SCAF11: variants seen among roughly 807,000 people sequenced by gnomAD.
SCAF11 encodes protein SCAF11.
Under a neutral mutation model 140.5 loss-of-function variants are expected in SCAF11, and 47 were observed. The ratio of observed to expected loss-of-function variants is 0.33; its 90% CI spans 0.26 to 0.43. The LOEUF (loss-of-function observed/expected upper bound fraction) is 0.43. Among genes scored for constraint, SCAF11 ranks in the 20% least tolerant of loss-of-function variants. The pLI is 1.00. For missense variants in SCAF11, 1,645 were observed against 1,705.1 expected, an observed-to-expected ratio of 0.96 and a Z score of 0.62; for synonymous variants, 557 against 579.4, an observed-to-expected ratio of 0.96 and a Z score of 0.55.
At chr12:45,974,386 C>A (rs952276810) in intron 1 of SCAF11, 1 of 354,824 alleles carries the variant, frequency 2.8e-6, no homozygotes, top group African/African-American at 2.1e-5. Context: ...ACTCCTTTCA[C>A]AAAAAATTTC....
chr12:45,977,331 T>G (rs1378414782), intron 1 of SCAF11, among the ~76,000 whole-genome samples: 1 of 152,220 alleles, frequency 6.6e-6, no homozygotes. Flanking sequence ...TTCTATTTTG[T>G]GAAAGAAGCC....
At chr12:45,971,042 C>G (rs1279600662) in intron 1 of SCAF11, among the ~76,000 whole-genome samples, 1 of 152,114 alleles carries the variant, frequency 6.6e-6, no homozygotes, top group Admixed American at 6.5e-5. Context: ...AGCCAGAAAT[C>G]GTCAGCCAGA....
Position 45,927,509 on chromosome 12 carries a change from G to C in SCAF11, c.2192C>G (p.Ser731Cys), listed in dbSNP as rs776453624. The C allele has an allele frequency of 6.2e-7, 1 of 1,613,460 alleles. No individual in the cohort carries two copies. Among genetic ancestry groups the C allele is most frequent in the Non-Finnish European group, 8.5e-7 (1 of 1,179,838 alleles). The part of the protein sequence containing the change: ...CDSFCSDQNE[S>C]EVEPSVNADL... ...AGCATTTACAGATGGTTCAACTTCA[G>C]ATTCATTTTGGTCACTGCAAAATGA... The change falls in exon 11 of 15, where the codon TCT (serine) becomes TGT (cysteine). Residue 731 changes from serine (S) to cysteine (C), a missense_variant. Ser to Cys is a moderately radical substitution (Grantham distance 112). Coordinates refer to ENST00000369367, the MANE Select transcript of SCAF11 (RefSeq NM_004719.3).
chr12:45,924,891 TTAA>T lies in SCAF11; in HGVS notation c.3740_3742del (p.Phe1247_Asn1248delinsTyr). ...ATGCAAGGGTAGCTGAGGATGAATGTTAAATGGATTGCGTTGGATGTTCATCAA... is the reference window on the plus strand; with the variant it reads ...ATGCAAGGGTAGCTGAGGATGAATGTATGGATTGCGTTGGATGTTCATCAA... On this transcript the variant is annotated inframe_deletion, in exon 12 of 15. Coordinates refer to ENST00000369367, the MANE Select transcript of SCAF11 (RefSeq NM_004719.3). 6.2e-7 allele frequency: 1 copy of T among 1,614,066 alleles called. No homozygotes were observed. Among genetic ancestry groups the T allele is most frequent in the Non-Finnish European group, 8.5e-7 (1 of 1,180,000 alleles).
chr12:45,937,754 A>AC (rs1302664631), intron 6 of SCAF11, among the ~76,000 whole-genome samples: 5 of 152,234 alleles, frequency 3.3e-5, no homozygotes, highest in African/African-American at 1.2e-4. Flanking sequence ...GTAGAGGACT[A>AC]GAAGCCTCAT....
intron 4 of SCAF11, among the ~76,000 whole-genome samples, chr12:45,949,771 A>T (rs893710535): frequency 6.6e-6 from 1 of 152,180 alleles, no homozygotes; most frequent in African/African-American, 2.4e-5. Flanking sequence ...TATTCCAGAT[A>T]GAGATGCACA....
chr12:45,931,547 C>A lies in SCAF11; in HGVS notation c.800G>T (p.Arg267Ile), dbSNP rs759883887. The A allele has an allele frequency of 6.6e-7, 1 of 1,512,178 alleles. No individual in the cohort carries two copies. The highest frequency in any genetic ancestry group is 2.6e-5 in the East Asian group (1 of 39,024). The allele number at this position is 1,512,178 out of a possible 1,614,324, so 93.7% of individuals were successfully genotyped here. Reference protein sequence around the residue: ...VLPLISSVLPRTIFPTSTISF... With the variant: ...VLPLISSVLPITIFPTSTISF... Reference sequence around the variant, plus strand: ...TATGGTACTTGTTGGAAAAATAGTTCTTGGCAACACAGAAGAAATGAGAGG... The same window carrying A: ...TATGGTACTTGTTGGAAAAATAGTTATTGGCAACACAGAAGAAATGAGAGG... Residue 267 changes from arginine to isoleucine, a missense_variant, in exon 10 of 15, where the codon AGA (arginine) becomes ATA (isoleucine). Transcript: ENST00000369367.
rs746680335 is a variant in SCAF11, at chr12:45,924,855, C to T, written c.3779G>A (p.Gly1260Glu). 11 of 1,613,986 alleles carry T rather than the reference C, an allele frequency of 6.8e-6. No homozygotes were observed. In the South Asian group the frequency reaches 1.2e-4, roughly 18 times the overall value. ...HPQLPLHLHT[G>E]VPLMQVATPT... Reference sequence around the variant, plus strand: ...AGTGGCTACCTGCATGAGGGGCACTCCTGTGTGGAGATGCAAGGGTAGCTG... The same window carrying T: ...AGTGGCTACCTGCATGAGGGGCACTTCTGTGTGGAGATGCAAGGGTAGCTG... Residue 1260 changes from glycine to glutamate, a missense_variant, in exon 12 of 15, where the codon GGA becomes GAA. By Grantham distance (98) the Gly-to-Glu change is moderately conservative (BLOSUM62 -2). Transcript: ENST00000369367.
chr12:45,927,443 G>T lies in SCAF11; in HGVS notation c.2258C>A (p.Ser753Tyr). The change falls in exon 11 of 15, where the codon TCT becomes TAT. Residue 753 changes from serine to tyrosine, a missense_variant. Physicochemically the swap from Ser to Tyr is moderately radical, Grantham distance 144 (BLOSUM62 -2). This residue lies in a region of SCAF11 where 1,582 missense variants were observed against 1,609.2 expected (regional missense o/e 0.98). Coordinates refer to ENST00000369367, the MANE Select transcript of SCAF11 (RefSeq NM_004719.3). ...QMNENSVTHC[S>Y]ENNMPSSDLA... ...ATCAGAAGACGGCATATTATTTTCA[G>T]AACAGTGTGTCACAGAATTTTCATT... is the stretch of plus-strand genomic sequence containing the variant. The T allele has an allele frequency of 6.2e-7, 1 of 1,613,470 alleles. No individual in the cohort carries two copies. Among genetic ancestry groups the T allele is most frequent in the Non-Finnish European group, 8.5e-7 (1 of 1,179,840 alleles).
intron 6 of SCAF11, among the ~76,000 whole-genome samples, chr12:45,935,469 A>C (rs1341357298): frequency 6.6e-6 from 1 of 152,192 alleles, no homozygotes; most frequent in Non-Finnish European, 1.5e-5. Context: ...ATTTTTTAAA[A>C]TGGCTTAAGA....
chr12:45,932,105 C>A lies in SCAF11; in HGVS notation c.735-493G>T, dbSNP rs1039183712. Among the ~76,000 whole-genome samples the A allele has an allele frequency of 7.2e-5, 11 of 152,122 alleles. 1 individual carries two copies. Among genetic ancestry groups the A allele is most frequent in the South Asian group, 2.1e-4 (1 of 4,816 alleles). Reference sequence around the variant, plus strand: ...TCAAGAAAGAGAACATTTCTGCCCCCCTAGAAAGTGTCCTCACACTCCTTT... The same window carrying A: ...TCAAGAAAGAGAACATTTCTGCCCCACTAGAAAGTGTCCTCACACTCCTTT... On this transcript the variant is annotated intron_variant, in intron 9 of 14. Transcript: ENST00000369367.
intron 3 of SCAF11, among the ~76,000 whole-genome samples, chr12:45,953,472 A>G (rs998546672): frequency 1.3e-5 from 2 of 152,216 alleles, no homozygotes; most frequent in Non-Finnish European, 2.9e-5. Flanking sequence ...TGAGCCTAGG[A>G]GTTCGAGGCT....
chr12:45,962,644 C>T lies in SCAF11; in HGVS notation c.62-787G>A, dbSNP rs572829799. Reference sequence around the variant, plus strand: ...AAGGATTGGTCAGCTGAAATGTGAACAGTAATATCAAGCAAAGTTGGAACT... The same window carrying T: ...AAGGATTGGTCAGCTGAAATGTGAATAGTAATATCAAGCAAAGTTGGAACT... On this transcript the variant is annotated intron_variant, in intron 2 of 14. Transcript: ENST00000369367. 2.0e-5 allele frequency among the ~76,000 whole-genome samples: 3 copies of T among 152,178 alleles called. No homozygotes were observed. The East Asian group carries it at 5.8e-4, about 29-fold the overall frequency.
At chr12:45,955,829 C>A in intron 3 of SCAF11, 1 of 250,374 alleles carries the variant, frequency 4.0e-6, no homozygotes, top group Non-Finnish European at 7.7e-6. Flanking sequence ...GTTTCATAAC[C>A]AAGTAGTCTA....
At chr12:45,967,154 G>A (rs1034879289) in intron 1 of SCAF11, among the ~76,000 whole-genome samples, 43 of 152,100 alleles carry the variant, frequency 2.8e-4, no homozygotes, top group African/African-American at 9.4e-4. Context: ...TTAGGAGGCC[G>A]AGGTGGGAGG....
In SCAF11 at chr12:45,973,727, A is replaced by G. The variant is rs149893066; in HGVS notation, c.-21-9539T>C. On this transcript the variant is annotated intron_variant, in intron 1 of 14. Transcript: ENST00000369367. ...ATGCTAAAATGGAAAAGAACTGTAA[A>G]CCTAAAATCCTCTATCTAGTGAAAA... Among the ~76,000 whole-genome samples, 243 of 152,320 alleles carry G rather than the reference A, an allele frequency of 1.6e-3. 1 individual carries two copies. Among genetic ancestry groups the G allele is most frequent in the African/African-American group, 5.6e-3 (233 of 41,558 alleles).
chr12:45,924,695 A>G (rs1000174931), intron 12 of SCAF11, 33 bp downstream of exon 12: 2 of 1,514,512 alleles, frequency 1.3e-6, no homozygotes, highest in Non-Finnish European at 1.8e-6. Context: ...TACAATGGCT[A>G]TATTGATTAA....
chr12:45,974,747 GGAATCA>G (rs1324543770), intron 1 of SCAF11: 2 of 159,024 alleles, frequency 1.3e-5, no homozygotes, highest in African/African-American at 2.4e-5. Context: ...CATGAGGGTT[GGAATCA>G]ACTTCTTCAC....
intron 1 of SCAF11, among the ~76,000 whole-genome samples, chr12:45,971,578 C>A (rs1298456649): frequency 6.6e-6 from 1 of 152,062 alleles, no homozygotes; most frequent in African/African-American, 2.4e-5. Flanking sequence ...AAAGTAGGCA[C>A]TGGTAACAAC....
Sources: gnomAD v4.1 joint callset for allele counts (sites outside exome capture counted in the v4.1 genomes callset) on GRCh38, gnomAD v4.1.1 for gene constraint, gnomAD v4.1.1 regional missense constraint, MANE v1.5 for transcripts, NCBI Gene and HGNC (gene_info 2026-07-23, HGNC 2026-07-21) for gene names.